The following RTN4 variants were observed in gnomAD, a reference collection of about 807,000 sequenced individuals.
The protein encoded by RTN4 is reticulon 4, also known as reticulon-4.
A neutral mutation model predicts 90.4 loss-of-function variants in RTN4; 32 were observed. The ratio of observed to expected loss-of-function variants is 0.35; its 90% CI spans 0.27 to 0.48. RTN4 has a LOEUF of 0.48. Among genes scored for constraint, RTN4 ranks in the 20% least tolerant of loss-of-function variants. RTN4 has a pLI of 0.99. For synonymous variants in RTN4, 629 were observed against 552.5 expected (o/e 1.14, Z -1.94); for missense variants, 1,706 against 1,430.2 (o/e 1.19, Z -3.11).
chr2:55,103,959 T>A (rs1305549315), intron 1 of RTN4, among the ~76,000 whole-genome samples: 1 of 146,868 alleles, frequency 6.8e-6, no homozygotes, highest in Non-Finnish European at 1.5e-5. Flanking sequence ...CCTCCCGAAG[T>A]GCTGCAATTA....
At chr2:55,123,471 A>G in the RTN4 span, among the ~76,000 whole-genome samples, 1 of 152,158 alleles carries the variant, frequency 6.6e-6, no homozygotes, top group East Asian at 1.9e-4. Context: ...CTCAAAATTA[A>G]AAACTATCAA....
chr2:55,131,457 C>T, the RTN4 span, among the ~76,000 whole-genome samples: 6 of 152,172 alleles, frequency 3.9e-5, no homozygotes, highest in Admixed American at 2.6e-4. Context: ...ATCCTTCCTC[C>T]TGGGCCTCCC....
chr2:55,028,231 A>C lies in RTN4; in HGVS notation c.557-11T>G. 6.2e-7 allele frequency: 1 copy of C among 1,610,664 alleles called. No homozygotes were observed. The highest frequency in any genetic ancestry group is 8.5e-7 in the Non-Finnish European group (1 of 1,177,556). On this transcript the variant is annotated splice_polypyrimidine_tract_variant and intron_variant, in intron 1 of 8. Coordinates refer to ENST00000337526, the MANE Select transcript of RTN4 (RefSeq NM_020532.5). ...CAAAAAGGGTCTCATCTGAAAAACA[A>C]ATAGAATATAACCTCAGCAGAAATA...
intron 2 of RTN4, among the ~76,000 whole-genome samples, chr2:55,068,613 T>C (rs1002681017): frequency 1.5e-5 from 2 of 137,732 alleles, no homozygotes; most frequent in African/African-American, 5.4e-5. Context: ...ATACCCAAGT[T>C]TGAATAACCA....
upstream of RTN4, among the ~76,000 whole-genome samples, chr2:55,115,049 C>T (rs1044861094): frequency 2.6e-5 from 4 of 152,186 alleles, no homozygotes; most frequent in Admixed American, 1.3e-4. Flanking sequence ...TCCCTTCAGA[C>T]AATTTGATTT....
intron 1 of RTN4, among the ~76,000 whole-genome samples, chr2:55,091,606 T>C (rs543982399): frequency 1.3e-5 from 2 of 152,320 alleles, no homozygotes; most frequent in Non-Finnish European, 2.9e-5. Flanking sequence ...GGCAGGAGGA[T>C]TGCTTGAGCC....
intron 2 of RTN4, among the ~76,000 whole-genome samples, chr2:55,067,541 T>C (rs1167041149): frequency 1.3e-5 from 2 of 152,130 alleles, no homozygotes; most frequent in African/African-American, 2.4e-5. Flanking sequence ...GCCTCCCAAG[T>C]AGCTGGGATT....
At chr2:55,133,545 A>T in the RTN4 span, among the ~76,000 whole-genome samples, 6 of 152,200 alleles carry the variant, frequency 3.9e-5, no homozygotes, top group African/African-American at 1.4e-4. Flanking sequence ...GTTCAGTTCA[A>T]TTCCGTTAGA....
intron 3 of RTN4, among the ~76,000 whole-genome samples, chr2:55,013,027 CAT>C (rs764201900): frequency 1.1e-4 from 16 of 152,112 alleles, no homozygotes; most frequent in Non-Finnish European, 2.4e-4. Flanking sequence ...AAGTAGAGCA[CAT>C]GTCTCAACTT....
intron 1 of RTN4, among the ~76,000 whole-genome samples, chr2:55,086,609 G>A (rs1166012203): frequency 6.6e-6 from 1 of 152,036 alleles, no homozygotes; most frequent in African/African-American, 2.4e-5. Flanking sequence ...TTTCGAGGCT[G>A]CAGTGAGCTG....
At chr2:55,063,438 G>A (rs916011024) in intron 2 of RTN4, among the ~76,000 whole-genome samples, 2 of 152,140 alleles carry the variant, frequency 1.3e-5, no homozygotes, top group African/African-American at 4.8e-5. Flanking sequence ...AGGAGGCCAT[G>A]TAGCTGGAAC....
chr2:55,072,994 A>G (rs1022356856), intron 2 of RTN4, among the ~76,000 whole-genome samples: 6 of 152,090 alleles, frequency 3.9e-5, no homozygotes, highest in African/African-American at 9.7e-5. Context: ...ATCTTATTCA[A>G]TCACCCCTTC....
chr2:55,062,493 G>A (rs1022955668), intron 2 of RTN4, among the ~76,000 whole-genome samples: 1 of 152,296 alleles, frequency 6.6e-6, no homozygotes, highest in Non-Finnish European at 1.5e-5. Context: ...ACTGAAGAGG[G>A]GAGCCACACT....
chr2:55,008,805 C>G (rs1680424499), intron 3 of RTN4, among the ~76,000 whole-genome samples: 1 of 152,102 alleles, frequency 6.6e-6, no homozygotes, highest in South Asian at 2.1e-4. Flanking sequence ...TACGACTTTT[C>G]ACCTACTTTT....
chr2:55,136,772 C>T, the RTN4 span, among the ~76,000 whole-genome samples: 2 of 152,222 alleles, frequency 1.3e-5, no homozygotes, highest in African/African-American at 2.4e-5. Flanking sequence ...AAATCTGACT[C>T]GCATTATTTC....
At chr2:55,123,446 A>C in the RTN4 span, among the ~76,000 whole-genome samples, 1 of 152,298 alleles carries the variant, frequency 6.6e-6, no homozygotes, top group African/African-American at 2.4e-5. Flanking sequence ...CAATTGCATC[A>C]GCAGAAAGAT....
chr2:54,986,276 C>G (rs903625554), intron 4 of RTN4, among the ~76,000 whole-genome samples: 1 of 152,006 alleles, frequency 6.6e-6, no homozygotes, highest in Non-Finnish European at 1.5e-5. Flanking sequence ...TGAAGTAATC[C>G]GAGGTAACTA....
At chr2:55,119,608 T>A in the RTN4 span, among the ~76,000 whole-genome samples, 1 of 152,154 alleles carries the variant, frequency 6.6e-6, no homozygotes, top group East Asian at 1.9e-4. Context: ...CTGGGCAGAG[T>A]GACCAGCCCA....
intron 1 of RTN4, 39 bp downstream of exon 1, chr2:55,049,706 C>A (rs1249680568): frequency 2.1e-6 from 3 of 1,415,590 alleles, no homozygotes; most frequent in South Asian, 3.0e-5. Flanking sequence ...GAGGGAGGGG[C>A]GCGAGGGGCG....
Sources: gnomAD v4.1 joint callset for allele counts (sites outside exome capture counted in the v4.1 genomes callset) on GRCh38, gnomAD v4.1.1 for gene constraint, MANE v1.5 for transcripts, NCBI Gene and HGNC (gene_info 2026-07-23, HGNC 2026-07-21) for gene names.